Variants in MBNL2 observed in about 807,000 individuals in gnomAD.
MBNL2 encodes the protein muscleblind-like protein 2.
In MBNL2, 17 loss-of-function variants were observed where a neutral mutation model predicts 41.9. The observed-to-expected ratio is 0.41, with a 90% CI of 0.28 to 0.61. MBNL2 has a LOEUF of 0.61. Ranked by LOEUF, MBNL2 falls within the 20% of genes least tolerant of loss-of-function variation. The probability of loss-of-function intolerance (pLI) is 0.35; values close to 1 mark genes in which losing one functional copy is unlikely to be tolerated. For synonymous variants in MBNL2, 195 were observed against 182.9 expected, an observed-to-expected ratio of 1.07 and a Z score of -0.53; for missense variants, 336 against 505.6, an observed-to-expected ratio of 0.66 and a Z score of 3.22.
intron 2 of MBNL2, among the ~76,000 whole-genome samples, chr13:97,319,360 G>A (rs1170345462): frequency 6.6e-6 from 1 of 152,140 alleles, no homozygotes. Flanking sequence ...GTGCTGGCCA[G>A]GCGGGAGCTC....
At chr13:97,196,021 T>C in the MBNL2 span, among the ~76,000 whole-genome samples, 2 of 152,206 alleles carry the variant, frequency 1.3e-5, no homozygotes, top group African/African-American at 4.8e-5. Flanking sequence ...AGTTTTCAAA[T>C]AATTTCAACC....
the MBNL2 span, chr13:97,179,305 A>G: frequency 1.3e-5 from 2 of 152,148 alleles, no homozygotes; most frequent in Non-Finnish European, 2.9e-5. Context: ...ACCATGTTAA[A>G]TCATCTTCTC....
intron 1 of MBNL2, among the ~76,000 whole-genome samples, chr13:97,257,968 AG>A (rs2047878706): frequency 6.6e-6 from 1 of 152,218 alleles, no homozygotes; most frequent in East Asian, 1.9e-4. Flanking sequence ...GACACAGCAC[AG>A]GGTGACCTTG....
At chr13:97,162,099 T>C in the MBNL2 span, among the ~76,000 whole-genome samples, 1 of 151,932 alleles carries the variant, frequency 6.6e-6, no homozygotes, top group East Asian at 1.9e-4. Flanking sequence ...AGAGAGAAGG[T>C]GGGGAGGTGC....
intron 1 of MBNL2, among the ~76,000 whole-genome samples, chr13:97,271,317 A>G (rs2050948664): frequency 6.6e-6 from 1 of 152,020 alleles, no homozygotes; most frequent in Non-Finnish European, 1.5e-5. Flanking sequence ...CATGTTGGCC[A>G]GGCTGGTATC....
chr13:97,298,415 G>A (rs1271716536), intron 2 of MBNL2, among the ~76,000 whole-genome samples: 1 of 152,098 alleles, frequency 6.6e-6, no homozygotes, highest in African/African-American at 2.4e-5. Context: ...GCCTTCTGCT[G>A]TATCCCAAGC....
At chr13:97,239,628 T>G (rs1437439022) in intron 1 of MBNL2, among the ~76,000 whole-genome samples, 5 of 152,216 alleles carry the variant, frequency 3.3e-5, no homozygotes, top group Admixed American at 3.3e-4. Context: ...CCAGGGATCT[T>G]TTTTCATTTA....
chr13:97,385,862 T>A (rs751346431), intron 8 of MBNL2, among the ~76,000 whole-genome samples: 2 of 152,234 alleles, frequency 1.3e-5, no homozygotes, highest in Non-Finnish European at 2.9e-5. Flanking sequence ...TTCATGGTGC[T>A]GATTAGTTCA....
chr13:97,147,867 C>T, the MBNL2 span, among the ~76,000 whole-genome samples: 1 of 152,010 alleles, frequency 6.6e-6, no homozygotes, highest in Non-Finnish European at 1.5e-5. Context: ...AGTTAGGGGG[C>T]AGTAATAAAA....
At chr13:97,342,869 A>G (rs2061543277) in intron 3 of MBNL2, 147 bp from the exon 4 acceptor site, 1 of 555,638 alleles carries the variant, frequency 1.8e-6, no homozygotes, top group South Asian at 2.5e-5. Flanking sequence ...GTCTACATGG[A>G]TGTCATTTTT....
At position 97,391,421 on chromosome 13, in the gene MBNL2, C is replaced by G; in HGVS notation, c.1148C>G (p.Ser383Ter). The part of the protein sequence containing the change: ...CYCTYYPVSS[S>*]IELPQTAC ...TGTACATACTATCCTGTTTCCTCCT[C>G]AATAGAATTGCCACAAACTGCATGC... Residue 383 changes from serine (S) to a stop codon, truncating the protein, a stop_gained, in exon 9 of 9, where the codon TCA (serine) becomes TGA (stop). Coordinates refer to ENST00000679496, the MANE Select transcript of MBNL2 (RefSeq NM_001382683.1). LOFTEE classifies it high-confidence loss of function. The G allele has an allele frequency of 6.7e-7, 1 of 1,497,976 alleles. No homozygotes were observed. The allele number at this position is 1,497,976 out of a possible 1,614,324, so 92.8% of individuals were successfully genotyped here. A position where few individuals can be genotyped will look rare whatever the true frequency, so the allele number is the denominator to read the frequency against.
chr13:97,231,323 G>A (rs1190224040), intron 1 of MBNL2, among the ~76,000 whole-genome samples: 1 of 152,192 alleles, frequency 6.6e-6, no homozygotes, highest in Non-Finnish European at 1.5e-5. Flanking sequence ...TGATTCAGTA[G>A]GGCTGGGCTG....
intron 2 of MBNL2, among the ~76,000 whole-genome samples, chr13:97,302,309 T>A (rs2087239087): frequency 6.6e-6 from 1 of 152,228 alleles, no homozygotes; most frequent in Non-Finnish European, 1.5e-5. Context: ...AAAGGCATAG[T>A]GGGTAATGCT....
At position 97,366,044 on chromosome 13, in the gene MBNL2, A is replaced by T. The variant is rs936874273; in HGVS notation, c.1048+873A>T. 6.6e-6 allele frequency among the ~76,000 whole-genome samples: 1 copy of T among 152,164 alleles called. No homozygotes were observed. Among genetic ancestry groups the T allele is most frequent in the African/African-American group, 2.4e-5 (1 of 41,434 alleles). On this transcript the variant is annotated intron_variant, in intron 8 of 8. Coordinates refer to ENST00000679496, the MANE Select transcript of MBNL2 (RefSeq NM_001382683.1). This position sits in a 1 kb window ranked among gnomAD's most constrained non-coding sequence, Gnocchi z 4.7. ...ATTAGGTCTCCATATGGAGACTTGG[A>T]TGTCTCAGAGTTTATGATTAAAAGT... is the stretch of plus-strand genomic sequence containing the variant.
chr13:97,153,814 G>A, the MBNL2 span, among the ~76,000 whole-genome samples: 41 of 152,266 alleles, frequency 2.7e-4, no homozygotes, highest in Admixed American at 2.6e-3. Context: ...ACTTTACCAA[G>A]AGACTTCCTA....
At chr13:97,319,547 C>T (rs954733959) in intron 2 of MBNL2, among the ~76,000 whole-genome samples, 1 of 152,150 alleles carries the variant, frequency 6.6e-6, no homozygotes, top group South Asian at 2.1e-4. Context: ...ACCCGTGTCA[C>T]GGGTGAGACT....
intron 2 of MBNL2, 36 bp downstream of exon 2, chr13:97,276,445 A>G (rs759192098): frequency 3.2e-6 from 5 of 1,567,106 alleles, no homozygotes; most frequent in East Asian, 2.2e-5. Context: ...TTTCAATACC[A>G]CATTGGAATT....
chr13:97,280,784 T>C (rs763918458), intron 2 of MBNL2, among the ~76,000 whole-genome samples: 10 of 152,266 alleles, frequency 6.6e-5, no homozygotes, highest in Non-Finnish European at 1.5e-4. Context: ...CTCTTTCCTC[T>C]GTTTGGAATA....
the MBNL2 span, among the ~76,000 whole-genome samples, chr13:97,216,148 C>T: frequency 6.6e-6 from 1 of 152,006 alleles, no homozygotes; most frequent in Non-Finnish European, 1.5e-5. Context: ...GGAAAAAACA[C>T]CATAACTTTT....
Sources: gnomAD v4.1 joint callset for allele counts (sites outside exome capture counted in the v4.1 genomes callset) on GRCh38, gnomAD v4.1.1 for gene constraint, Gnocchi (gnomAD v3.1) non-coding constraint, MANE v1.5 for transcripts, NCBI Gene and HGNC (gene_info 2026-07-23, HGNC 2026-07-21) for gene names.